Variants in PLA2G6 observed in about 807,000 individuals in gnomAD.
PLA2G6 encodes the protein phospholipase A2 group VI, also known as 85/88 kDa calcium-independent phospholipase A2.
A neutral mutation model predicts 83.8 loss-of-function variants in PLA2G6; 62 were observed. The ratio of observed to expected loss-of-function variants is 0.74; its 90% CI spans 0.60 to 0.91. PLA2G6 has a LOEUF of 0.91. Ranked by LOEUF, PLA2G6 falls within the 40% of genes least tolerant of loss-of-function variation. The pLI, the probability that PLA2G6 is intolerant of heterozygous loss-of-function variation, is 0.00. For missense variants in PLA2G6, 944 were observed against 1,102.0 expected, an observed-to-expected ratio of 0.86 and a Z score of 2.03; for synonymous variants, 417 against 449.8, an observed-to-expected ratio of 0.93 and a Z score of 0.92.
chr22:38,155,855 T>C (rs940037461), intron 2 of PLA2G6, among the ~76,000 whole-genome samples: 5 of 152,170 alleles, frequency 3.3e-5, no homozygotes, highest in African/African-American at 1.2e-4. Context: ...ATAAATGGAC[T>C]AAACTCTCCA....
chr22:38,173,151 G>C (rs959684421), intron 1 of PLA2G6, among the ~76,000 whole-genome samples: 1 of 152,148 alleles, frequency 6.6e-6, no homozygotes, highest in Admixed American at 6.5e-5. Flanking sequence ...CTGCCACCTT[G>C]GACCCTGGAG....
At chr22:38,159,572 T>A (rs1309597911) in intron 2 of PLA2G6, among the ~76,000 whole-genome samples, 3 of 151,902 alleles carry the variant, frequency 2.0e-5, no homozygotes, top group African/African-American at 7.3e-5. Flanking sequence ...CTACAAAAAA[T>A]TTTTAAAATT....
In PLA2G6 at chr22:38,116,139, T is replaced by A; in HGVS notation, c.1815A>T (p.Pro605=). ...ELHLFRNYDA[P]ETVREPRFNQ... ...TGAAACGAGGCTCCCGGACAGTTTC[T>A]GGAGCATCGTAGTTCCGGAAGAGGT... Residue 605 remains proline, a synonymous_variant, in exon 13 of 17, where the codon CCA becomes CCT. Coordinates refer to ENST00000332509, the MANE Select transcript of PLA2G6 (RefSeq NM_003560.4). 1 of 1,613,744 alleles carries A rather than the reference T, an allele frequency of 6.2e-7. No homozygotes were observed. The highest frequency in any genetic ancestry group is 1.1e-5 in the South Asian group (1 of 91,080).
At chr22:38,125,301 T>G (rs959059864) in intron 10 of PLA2G6, among the ~76,000 whole-genome samples, 2 of 151,998 alleles carry the variant, frequency 1.3e-5, no homozygotes, top group African/African-American at 4.8e-5. Flanking sequence ...CATGTGCATG[T>G]GGGTGTGTGT....
At chr22:38,142,066 A>G (rs2088940018) in intron 4 of PLA2G6, 1 of 151,802 alleles carries the variant, frequency 6.6e-6, no homozygotes, top group Non-Finnish European at 1.5e-5. Context: ...ATGGTGGCAC[A>G]TGCCTGTAAT....
At chr22:38,140,364 C>T (rs920068730) in intron 4 of PLA2G6, 195 bp from the exon 5 acceptor site, 10 of 563,930 alleles carry the variant, frequency 1.8e-5, no homozygotes, top group South Asian at 3.8e-5. Flanking sequence ...AAAAATTAGC[C>T]GGGCATGGTG....
At position 38,145,565 on chromosome 22, in the gene PLA2G6, G is replaced by C. The variant is rs1416924105; in HGVS notation, c.298C>G (p.Gln100Glu). The change falls in exon 3 of 17, where the codon CAG (glutamine) becomes GAG (glutamate). Residue 100 changes from glutamine (Q) to glutamate (E), a missense_variant. Transcript: ENST00000332509. ...QLLPFYESSP[Q>E]VLHTEVLQHL... ...TGCAGGACCTCAGTGTGCAGGACCT[G>C]AGGGGAGCTCTCATAGAAGGGTAGC... 6.2e-7 allele frequency: 1 copy of C among 1,613,860 alleles called. No individual in the cohort carries two copies. The highest frequency in any genetic ancestry group is 8.5e-7 in the Non-Finnish European group (1 of 1,179,830).
chr22:38,173,747 C>A (rs2090524572), intron 1 of PLA2G6, among the ~76,000 whole-genome samples: 1 of 152,158 alleles, frequency 6.6e-6, no homozygotes, highest in Admixed American at 6.5e-5. Flanking sequence ...CTGAATTGTA[C>A]ATGTTCAAAG....
intron 1 of PLA2G6, among the ~76,000 whole-genome samples, chr22:38,178,365 C>T (rs2090717904): frequency 6.6e-6 from 1 of 152,114 alleles, no homozygotes. Flanking sequence ...AAGCTCAGGA[C>T]TTTGAGACCA....
Position 38,178,828 on chromosome 22 carries a change from T to C in PLA2G6, c.-46+2836A>G, listed in dbSNP as rs1259936012. ...CTGCAGTGAGCTGAGATCGCACCACTGCGCTCCAGCCTGGGCAACAGAGTG... is the reference window on the plus strand; with the variant it reads ...CTGCAGTGAGCTGAGATCGCACCACCGCGCTCCAGCCTGGGCAACAGAGTG... On this transcript the variant is annotated intron_variant, in intron 1 of 16. Transcript: ENST00000332509. Among the ~76,000 whole-genome samples, 3 of 152,130 alleles carry C rather than the reference T, an allele frequency of 2.0e-5. No homozygotes were observed. The East Asian group carries it at 5.8e-4, about 29-fold the overall frequency.
intron 12 of PLA2G6, among the ~76,000 whole-genome samples, chr22:38,117,823 G>T (rs2087294967): frequency 6.6e-6 from 1 of 151,988 alleles, no homozygotes. Flanking sequence ...GGATCACGAG[G>T]TTAGGAGTTT....
intron 2 of PLA2G6, 127 bp from the exon 3 acceptor site, chr22:38,145,780 AG>A: frequency 2.2e-6 from 1 of 447,680 alleles, no homozygotes; most frequent in Non-Finnish European, 4.0e-6. Flanking sequence ...TCCCCTCCCA[AG>A]CAAACACACA....
chr22:38,175,866 T>A (rs2090612140), intron 1 of PLA2G6, among the ~76,000 whole-genome samples: 1 of 151,988 alleles, frequency 6.6e-6, no homozygotes, highest in Non-Finnish European at 1.5e-5. Flanking sequence ...TCACAGTGGG[T>A]GTTTAATAAG....
At chr22:38,174,956 G>A (rs1186754310) in intron 1 of PLA2G6, among the ~76,000 whole-genome samples, 1 of 152,140 alleles carries the variant, frequency 6.6e-6, no homozygotes, top group Non-Finnish European at 1.5e-5. Flanking sequence ...GACCAAGAGG[G>A]TGGCTCAGAG....
Position 38,132,731 on chromosome 22 carries a change from C to A in PLA2G6, c.1077+100G>T. ...TGGGAAGATGATTTGGAGCAGCTGA[C>A]GATAGGAGGGAGACAGTGGGGAGGA... On this transcript the variant is annotated intron_variant, in intron 7 of 16. Coordinates refer to ENST00000332509, the MANE Select transcript of PLA2G6 (RefSeq NM_003560.4). This position sits in a 1 kb window ranked among gnomAD's most constrained non-coding sequence, Gnocchi z 5.0. 1 of 1,070,322 alleles carries A rather than the reference C, an allele frequency of 9.3e-7. No individual in the cohort carries two copies. The highest frequency in any genetic ancestry group is 1.4e-5 in the South Asian group (1 of 69,072). The allele number at this position is 1,070,322 out of a possible 1,614,324, so 66.3% of individuals were successfully genotyped here.
chr22:38,169,170 G>A (rs751172288), intron 2 of PLA2G6, 48 bp downstream of exon 2: 151 of 1,423,698 alleles, frequency 1.1e-4, no homozygotes, highest in Non-Finnish European at 1.4e-4. Flanking sequence ...AATCCGAGAC[G>A]TGGGGGAGTG....
At chr22:38,165,737 G>A (rs2090189131) in intron 2 of PLA2G6, among the ~76,000 whole-genome samples, 1 of 152,054 alleles carries the variant, frequency 6.6e-6, no homozygotes, top group Non-Finnish European at 1.5e-5. Flanking sequence ...AAAATTAACT[G>A]GGCGTGGTGG....
In PLA2G6 at chr22:38,134,905, C is replaced by T. The variant is rs1602142040; in HGVS notation, c.894+83G>A. Reference sequence around the variant, plus strand: ...CCCCAAGTGCTAGCCTCAGGGTCCTCTCGGGAACCTGCTTCCTGAGGGCCC... The same window carrying T: ...CCCCAAGTGCTAGCCTCAGGGTCCTTTCGGGAACCTGCTTCCTGAGGGCCC... On this transcript the variant is annotated intron_variant, in intron 6 of 16. Transcript: ENST00000332509. The T allele has an allele frequency of 1.6e-5, 16 of 974,624 alleles. No homozygotes were observed. In the East Asian group the frequency reaches 4.0e-4, roughly 24 times the overall value. The allele number at this position is 974,624 out of a possible 1,614,324, so 60.4% of individuals were successfully genotyped here.
chr22:38,179,602 G>A (rs569855298), intron 1 of PLA2G6, among the ~76,000 whole-genome samples: 6 of 152,204 alleles, frequency 3.9e-5, no homozygotes, highest in South Asian at 2.1e-4. Context: ...TGGCCAACAC[G>A]GTGAAACCCC....
Sources: allele counts gnomAD v4.1 joint callset (sites outside exome capture counted in the v4.1 genomes callset), GRCh38; gene constraint gnomAD v4.1.1; non-coding constraint Gnocchi (gnomAD v3.1); transcripts MANE v1.5; gene names NCBI Gene and HGNC (gene_info 2026-07-23, HGNC 2026-07-21).